The following GNAQ variants were observed in gnomAD, a reference collection of about 807,000 sequenced individuals.
The protein encoded by GNAQ is guanine nucleotide-binding protein G(q) subunit alpha.
Under a neutral mutation model 43.9 loss-of-function variants are expected in GNAQ, and 8 were observed. The ratio of observed to expected loss-of-function variants is 0.18; its 90% CI spans 0.11 to 0.33. GNAQ has a LOEUF of 0.33. Ranked by LOEUF, GNAQ falls within the 10% of genes least tolerant of loss-of-function variation. The pLI, the probability that GNAQ is intolerant of heterozygous loss-of-function variation, is 1.00. For missense variants in GNAQ, 158 were observed against 450.8 expected, an observed-to-expected ratio of 0.35 and a Z score of 5.88; for synonymous variants, 155 against 170.7, an observed-to-expected ratio of 0.91 and a Z score of 0.71.
intron 3 of GNAQ, among the ~76,000 whole-genome samples, chr9:77,804,367 G>T (rs1016936181): frequency 1.3e-5 from 2 of 152,108 alleles, no homozygotes; most frequent in Admixed American, 6.5e-5. Context: ...TATAGCTAGG[G>T]TTAATAAATT....
intron 5 of GNAQ, among the ~76,000 whole-genome samples, chr9:77,774,193 T>G (rs1430361998): frequency 6.6e-6 from 1 of 152,194 alleles, no homozygotes; most frequent in East Asian, 1.9e-4. Flanking sequence ...AAGGAACAAG[T>G]GTGGAGATAA....
At position 77,936,860 on chromosome 9, in the gene GNAQ, T is replaced by A. The variant is rs574744452; in HGVS notation, c.137-14515A>T. Among the ~76,000 whole-genome samples, 245 of 152,308 alleles carry A rather than the reference T, an allele frequency of 1.6e-3. 2 individuals are homozygous for A. Among genetic ancestry groups the A allele is most frequent in the African/African-American group, 5.0e-3 (208 of 41,568 alleles). On this transcript the variant is annotated intron_variant, in intron 1 of 6. Coordinates refer to ENST00000286548, the MANE Select transcript of GNAQ (RefSeq NM_002072.5). ...ACCATCAACTTTTTTTTAGAGCCTG[T>A]CAATATACTACATATTAAATGAATG...
chr9:77,975,958 C>T (rs147208487), intron 1 of GNAQ, among the ~76,000 whole-genome samples: 136 of 152,286 alleles, frequency 8.9e-4, no homozygotes, highest in African/African-American at 3.1e-3. Flanking sequence ...TCCTTCTGAT[C>T]CTGGCATCGG....
intron 4 of GNAQ, 64 bp from the exon 5 acceptor site, chr9:77,794,656 A>T (rs1279262229): frequency 2.1e-6 from 2 of 948,180 alleles, no homozygotes; most frequent in African/African-American, 3.3e-5. Flanking sequence ...CAACATAAAT[A>T]TAGCACTACT....
chr9:78,021,872 C>A (rs1282179451), intron 1 of GNAQ, among the ~76,000 whole-genome samples: 1 of 152,234 alleles, frequency 6.6e-6, no homozygotes, highest in Non-Finnish European at 1.5e-5. Context: ...AAGACCCAGT[C>A]CTGAGCCGAG....
intron 5 of GNAQ, among the ~76,000 whole-genome samples, chr9:77,788,803 G>A (rs982807162): frequency 2.6e-5 from 4 of 152,190 alleles, no homozygotes; most frequent in Admixed American, 6.5e-5. Context: ...CCTATCACAC[G>A]CTTTTATGTT....
At chr9:77,955,659 G>C (rs1465156866) in intron 1 of GNAQ, among the ~76,000 whole-genome samples, 1 of 152,004 alleles carries the variant, frequency 6.6e-6, no homozygotes, top group East Asian at 1.9e-4. Context: ...GATCAAAATA[G>C]GTATTTAATT....
At chr9:77,829,910 C>A (rs1473559934) in intron 2 of GNAQ, among the ~76,000 whole-genome samples, 2 of 152,134 alleles carry the variant, frequency 1.3e-5, no homozygotes, top group Non-Finnish European at 2.9e-5. Flanking sequence ...CTAGATCCCA[C>A]CATTGAACAT....
At position 77,907,803 on chromosome 9, in the gene GNAQ, G is replaced by A. The variant is rs376573433; in HGVS notation, c.321+14358C>T. Among the ~76,000 whole-genome samples, 3 of 152,274 alleles carry A rather than the reference G, an allele frequency of 2.0e-5. No individual in the cohort carries two copies. The South Asian group carries it at 6.2e-4, about 32-fold the overall frequency. On this transcript the variant is annotated intron_variant, in intron 2 of 6. Transcript: ENST00000286548. The stretch of plus-strand genomic sequence containing the variant: ...TAACTGTGGGTCAGGCCCTTTGCTA[G>A]GTCCTGGGGACACGGCAGTAACTTT...
chr9:77,903,342 T>C (rs1342862273), intron 2 of GNAQ, among the ~76,000 whole-genome samples: 3 of 152,180 alleles, frequency 2.0e-5, no homozygotes, highest in Non-Finnish European at 2.9e-5. Context: ...AGATGCCTCA[T>C]CCTCACTTCA....
chr9:78,026,072 T>C (rs563609282), intron 1 of GNAQ, among the ~76,000 whole-genome samples: 148 of 152,308 alleles, frequency 9.7e-4, no homozygotes, highest in East Asian at 5.2e-3. Context: ...GGTTTTCTTT[T>C]TTAATGAAAA....
chr9:77,734,506 T>C (rs1204077619), intron 5 of GNAQ, among the ~76,000 whole-genome samples: 1 of 102,086 alleles, frequency 9.8e-6, no homozygotes, highest in Non-Finnish European at 2.7e-5. Flanking sequence ...ATAACAATCA[T>C]CACTGAGGGC....
At chr9:77,734,606 G>A (rs1284963822) in intron 5 of GNAQ, among the ~76,000 whole-genome samples, 2 of 152,170 alleles carry the variant, frequency 1.3e-5, no homozygotes, top group African/African-American at 4.8e-5. Context: ...TTTCCAGGGT[G>A]CAGATGCTCT....
chr9:77,869,024 A>G (rs1031598750), intron 2 of GNAQ, among the ~76,000 whole-genome samples: 5 of 152,146 alleles, frequency 3.3e-5, no homozygotes, highest in Admixed American at 6.6e-5. Flanking sequence ...GCTAAACACC[A>G]GGGGACAAGT....
intron 1 of GNAQ, among the ~76,000 whole-genome samples, chr9:78,020,013 G>C (rs1055904200): frequency 7.3e-5 from 11 of 151,722 alleles, no homozygotes; most frequent in Admixed American, 2.6e-4. Context: ...TGGATGTAAT[G>C]GCCCAGAACA....
intron 5 of GNAQ, among the ~76,000 whole-genome samples, chr9:77,759,431 C>G (rs1003980747): frequency 1.3e-5 from 2 of 151,598 alleles, no homozygotes; most frequent in Non-Finnish European, 1.5e-5. Context: ...TTTCTGGAAA[C>G]AAAAATGGGA....
intron 1 of GNAQ, among the ~76,000 whole-genome samples, chr9:78,028,820 CT>C (rs1449713277): frequency 6.6e-6 from 1 of 152,148 alleles, no homozygotes; most frequent in Non-Finnish European, 1.5e-5. Context: ...TCAAAAACTC[CT>C]GAAATCACAC....
intron 1 of GNAQ, among the ~76,000 whole-genome samples, chr9:77,983,220 G>C (rs941110275): frequency 6.6e-6 from 1 of 152,206 alleles, no homozygotes; most frequent in Non-Finnish European, 1.5e-5. Flanking sequence ...CGTGCATGGT[G>C]ATAACATTTA....
intron 4 of GNAQ, among the ~76,000 whole-genome samples, chr9:77,795,763 AT>A (rs1369691360): frequency 6.6e-6 from 1 of 152,182 alleles, no homozygotes; most frequent in African/African-American, 2.4e-5. Flanking sequence ...TACGCTACTA[AT>A]TTACGTGAAA....
Sources: gnomAD v4.1 joint callset for allele counts (sites outside exome capture counted in the v4.1 genomes callset) on GRCh38, gnomAD v4.1.1 for gene constraint, MANE v1.5 for transcripts, NCBI Gene and HGNC (gene_info 2026-07-23, HGNC 2026-07-21) for gene names.